The following UBE2E2 variants were observed in gnomAD, a reference collection of about 807,000 sequenced individuals.
UBE2E2 encodes the protein ubiquitin-conjugating enzyme E2 E2.
In UBE2E2, 6 loss-of-function variants were observed where a neutral mutation model predicts 24.7. The observed-to-expected ratio is 0.24, with a 90% CI of 0.13 to 0.48. The LOEUF is 0.48. Ranked by LOEUF, UBE2E2 falls within the 20% of genes least tolerant of loss-of-function variation. The pLI is 0.99. For missense variants in UBE2E2, 169 were observed against 245.0 expected (o/e 0.69, Z 2.07); for synonymous variants, 104 against 83.6 (o/e 1.24, Z -1.33).
chr3:23,301,021 C>T (rs901578137), intron 3 of UBE2E2, among the ~76,000 whole-genome samples: 2 of 152,166 alleles, frequency 1.3e-5, no homozygotes. Flanking sequence ...CTTCTCGCTT[C>T]ATTTCATTCG....
chr3:23,401,967 C>T (rs1697234559), intron 3 of UBE2E2, among the ~76,000 whole-genome samples: 2 of 150,410 alleles, frequency 1.3e-5, no homozygotes, highest in Non-Finnish European at 2.9e-5. Flanking sequence ...AGCAATTCTC[C>T]TGTCTCAGCC....
chr3:23,353,701 G>A (rs1695838457), intron 3 of UBE2E2, among the ~76,000 whole-genome samples: 1 of 152,094 alleles, frequency 6.6e-6, no homozygotes, highest in Admixed American at 6.5e-5. Flanking sequence ...ACCGCTTCAA[G>A]GAGAACTACA....
At chr3:23,390,986 T>A (rs1575601256) in intron 3 of UBE2E2, among the ~76,000 whole-genome samples, 1 of 152,372 alleles carries the variant, frequency 6.6e-6, no homozygotes, top group East Asian at 1.9e-4. Context: ...TAATAATGGT[T>A]ATATAACAAC....
rs1449902604 is a variant in UBE2E2, at chr3:23,583,112, G to A, written c.509-6622G>A. Among the ~76,000 whole-genome samples, 1 of 152,122 alleles carries A rather than the reference G, an allele frequency of 6.6e-6. No individual in the cohort carries two copies. Among genetic ancestry groups the A allele is most frequent in the East Asian group, 1.9e-4 (1 of 5,188 alleles). On this transcript the variant is annotated intron_variant, in intron 5 of 5. Transcript: ENST00000396703. This position sits in a 1 kb window ranked among gnomAD's most constrained non-coding sequence, Gnocchi z 4.1. ...TCTTGAGTTGATTTTTGGATGTGGTGTAAGGAAGGGGTCCAATTTCAATCT... is the reference window on the plus strand; with the variant it reads ...TCTTGAGTTGATTTTTGGATGTGGTATAAGGAAGGGGTCCAATTTCAATCT...
chr3:23,434,009 C>T (rs1173995615), intron 3 of UBE2E2, among the ~76,000 whole-genome samples: 5 of 151,934 alleles, frequency 3.3e-5, no homozygotes, highest in Admixed American at 2.6e-4. Context: ...TTTATTTGAA[C>T]ATACAAATAT....
At chr3:23,456,070 G>A (rs1429749318) in intron 3 of UBE2E2, among the ~76,000 whole-genome samples, 2 of 152,190 alleles carry the variant, frequency 1.3e-5, no homozygotes, top group Non-Finnish European at 2.9e-5. Context: ...AGTGTTCATA[G>A]CATCTTTACC....
intron 2 of UBE2E2, among the ~76,000 whole-genome samples, chr3:23,216,249 C>T (rs763821994): frequency 3.9e-5 from 6 of 152,096 alleles, no homozygotes; most frequent in South Asian, 2.1e-4. Context: ...GCAGTTCCTT[C>T]GGGAAGTTGA....
At chr3:23,494,444 C>G (rs1699563684) in intron 3 of UBE2E2, among the ~76,000 whole-genome samples, 1 of 152,064 alleles carries the variant, frequency 6.6e-6, no homozygotes, top group African/African-American at 2.4e-5. Flanking sequence ...TGCATTAAGT[C>G]TTCAAACTTA....
intron 3 of UBE2E2, among the ~76,000 whole-genome samples, chr3:23,340,245 A>G (rs1312103895): frequency 6.6e-6 from 1 of 152,150 alleles, no homozygotes; most frequent in Non-Finnish European, 1.5e-5. Flanking sequence ...CTGTTTGATA[A>G]TCATGTTTTC....
intron 4 of UBE2E2, among the ~76,000 whole-genome samples, chr3:23,501,240 T>G (rs1388557874): frequency 6.6e-6 from 1 of 152,162 alleles, no homozygotes; most frequent in African/African-American, 2.4e-5. Context: ...TTCCTTGAGA[T>G]TAGTAGTTTC....
At chr3:23,426,955 G>T (rs976209893) in intron 3 of UBE2E2, among the ~76,000 whole-genome samples, 1 of 151,978 alleles carries the variant, frequency 6.6e-6, no homozygotes, top group Admixed American at 6.6e-5. Context: ...AAAGTAGAAA[G>T]AAATAACAAC....
intron 4 of UBE2E2, among the ~76,000 whole-genome samples, chr3:23,531,935 A>G (rs1386765326): frequency 6.6e-6 from 1 of 151,638 alleles, no homozygotes; most frequent in Non-Finnish European, 1.5e-5. Context: ...GGTGGCGGGC[A>G]CCTCTAATCC....
rs1252775379 is a variant in UBE2E2, at chr3:23,457,585, C to T, written c.228-42023C>T. On this transcript the variant is annotated intron_variant, in intron 3 of 5. Coordinates refer to ENST00000396703, the MANE Select transcript of UBE2E2 (RefSeq NM_152653.4). ...TGTCACCAAGGCTGGAGTGCAGTGG[C>T]GTGATCACAGCTCACTGCAGCCTCA... Among the ~76,000 whole-genome samples the T allele has an allele frequency of 1.5e-4, 23 of 152,154 alleles. No homozygotes were observed. In the East Asian group the frequency reaches 3.9e-3, roughly 26 times the overall value.
intron 3 of UBE2E2, among the ~76,000 whole-genome samples, chr3:23,268,074 C>T (rs1220636100): frequency 7.9e-5 from 12 of 151,732 alleles, no homozygotes; most frequent in Non-Finnish European, 1.8e-4. Flanking sequence ...TAAGAGCTAT[C>T]TATGACAAAC....
intron 1 of UBE2E2, 70 bp from the exon 2 acceptor site, chr3:23,208,622 C>T (rs1410427118): frequency 8.2e-7 from 1 of 1,220,562 alleles, no homozygotes; most frequent in Non-Finnish European, 1.1e-6. Context: ...CTTTGAGGCT[C>T]ATTCTCTGTG....
chr3:23,495,650 G>T (rs920832481), intron 3 of UBE2E2, among the ~76,000 whole-genome samples: 27 of 151,976 alleles, frequency 1.8e-4, no homozygotes, highest in African/African-American at 6.3e-4. Flanking sequence ...ATTCATATTG[G>T]GTTTAATTAT....
At chr3:23,483,111 G>T (rs993956449) in intron 3 of UBE2E2, among the ~76,000 whole-genome samples, 7 of 152,156 alleles carry the variant, frequency 4.6e-5, no homozygotes, top group African/African-American at 1.4e-4. Context: ...GTTTATCATT[G>T]CTGCTATGGT....
intron 3 of UBE2E2, among the ~76,000 whole-genome samples, chr3:23,414,755 G>C (rs1453322156): frequency 3.3e-5 from 5 of 152,230 alleles, no homozygotes; most frequent in Non-Finnish European, 7.3e-5. Context: ...GCTGTGATAA[G>C]TGGGATTAGT....
intron 5 of UBE2E2, among the ~76,000 whole-genome samples, chr3:23,567,849 A>G (rs778826285): frequency 9.2e-5 from 14 of 152,232 alleles, no homozygotes; most frequent in Non-Finnish European, 1.8e-4. Flanking sequence ...GTTTTGTGAT[A>G]TAAAACTGAA....
Sources: allele counts gnomAD v4.1 joint callset (sites outside exome capture counted in the v4.1 genomes callset), GRCh38; gene constraint gnomAD v4.1.1; non-coding constraint Gnocchi (gnomAD v3.1); transcripts MANE v1.5; gene names NCBI Gene and HGNC (gene_info 2026-07-23, HGNC 2026-07-21).